NUP205: variants seen among roughly 807,000 people sequenced by gnomAD.
The protein encoded by NUP205 is nucleoporin 205, also known as nuclear pore complex protein Nup205.
A neutral mutation model predicts 253.8 loss-of-function variants in NUP205; 76 were observed. The ratio of observed to expected loss-of-function variants is 0.30; its 90% CI spans 0.25 to 0.36. The LOEUF is 0.36. NUP205 is among the 10% of genes least tolerant of loss of function. NUP205 has a pLI of 1.00. For synonymous variants in NUP205, 832 were observed against 850.1 expected, an observed-to-expected ratio of 0.98 and a Z score of 0.37; for missense variants, 2,162 against 2,425.5, an observed-to-expected ratio of 0.89 and a Z score of 2.28.
intron 1 of NUP205, among the ~76,000 whole-genome samples, chr7:135,561,102 T>C (rs558902405): frequency 1.3e-5 from 2 of 152,246 alleles, no homozygotes; most frequent in South Asian, 4.2e-4. Context: ...CCCAGCACTT[T>C]GGGAGGCTGA....
chr7:135,569,068 AATTTTTT>A, intron 1 of NUP205, among the ~76,000 whole-genome samples: 2 of 151,908 alleles, frequency 1.3e-5, no homozygotes, highest in Non-Finnish European at 2.9e-5. Flanking sequence ...ATGGAGTTTA[AATTTTTT>A]ATTTTTTATT....
chr7:135,590,430 C>T (rs1430086078), intron 10 of NUP205, among the ~76,000 whole-genome samples: 1 of 151,818 alleles, frequency 6.6e-6, no homozygotes, highest in Non-Finnish European at 1.5e-5. Context: ...ATTATTTTTA[C>T]TTTCGTTTTA....
At chr7:135,645,364 C>A in intron 40 of NUP205, 104 bp from the exon 41 acceptor site, 1 of 1,165,380 alleles carries the variant, frequency 8.6e-7, no homozygotes, top group Non-Finnish European at 1.2e-6. Flanking sequence ...GCTGTGGGTA[C>A]CTCATTAAGT....
intron 10 of NUP205, among the ~76,000 whole-genome samples, chr7:135,589,024 C>A (rs916727398): frequency 6.6e-6 from 1 of 150,878 alleles, no homozygotes; most frequent in Non-Finnish European, 1.5e-5. Flanking sequence ...ACAAAAAATA[C>A]TAGCTCGGTG....
At position 135,625,410 on chromosome 7, in the gene NUP205, T is replaced by C. The variant is rs116697383; in HGVS notation, c.4671+55T>C. 2,884 of 1,313,546 alleles carry C rather than the reference T, an allele frequency of 2.2e-3. 58 individuals are homozygous for C. In the African/African-American group the frequency reaches 0.039, roughly 18 times the overall value. 81.4% of individuals were successfully genotyped at this position (1,313,546 alleles called of 1,614,324 possible). On this transcript the variant is annotated intron_variant, in intron 32 of 42. Coordinates refer to ENST00000285968, the MANE Select transcript of NUP205 (RefSeq NM_015135.3). ...TCAAGAAGTCGTTTTCTCTTGGCTA[T>C]AGATGTATTAAAGAAAATTAATGTG...
intron 5 of NUP205, among the ~76,000 whole-genome samples, chr7:135,577,382 G>A (rs57139274): frequency 0.034 from 5,171 of 151,992 alleles, 118 homozygotes; most frequent in Middle Eastern, 0.1. Flanking sequence ...CACCTCAAAC[G>A]TTTATTATTT....
At chr7:135,572,246 A>G (rs940458134) in intron 2 of NUP205, among the ~76,000 whole-genome samples, 1 of 152,226 alleles carries the variant, frequency 6.6e-6, no homozygotes, top group African/African-American at 2.4e-5. Context: ...GATAAACTTA[A>G]TAATATTTGA....
intron 25 of NUP205, 95 bp from the exon 26 acceptor site, chr7:135,616,995 A>T (rs1003492847): frequency 2.2e-6 from 2 of 916,726 alleles, no homozygotes; most frequent in South Asian, 3.7e-5. Flanking sequence ...GCTCTTTCTG[A>T]AAATAGCACT....
At chr7:135,593,340 T>G in intron 12 of NUP205, 148 bp downstream of exon 12, 1 of 667,394 alleles carries the variant, frequency 1.5e-6, no homozygotes, top group South Asian at 2.0e-5. Flanking sequence ...AAGTTTTTTG[T>G]TTTTTGACCT....
At chr7:135,636,981 G>A (rs967017807) in intron 36 of NUP205, among the ~76,000 whole-genome samples, 5 of 152,154 alleles carry the variant, frequency 3.3e-5, no homozygotes, top group African/African-American at 1.2e-4. Flanking sequence ...ACTTTAGCCT[G>A]GGCAACAGAG....
At chr7:135,574,444 G>A (rs997508741) in intron 3 of NUP205, among the ~76,000 whole-genome samples, 1 of 152,156 alleles carries the variant, frequency 6.6e-6, no homozygotes, top group Non-Finnish European at 1.5e-5. Context: ...CTAAGATGGT[G>A]TCATTTGCCT....
chr7:135,641,462 C>A (rs1212205689), intron 38 of NUP205, among the ~76,000 whole-genome samples: 1 of 152,102 alleles, frequency 6.6e-6, no homozygotes, highest in African/African-American at 2.4e-5. Context: ...CTGTCTCTTC[C>A]CCTCTGTATA....
At position 135,588,004 on chromosome 7, in the gene NUP205, G is replaced by A. The variant is rs1806520707; in HGVS notation, c.1473+12G>A. 1 of 1,602,570 alleles carries A rather than the reference G, an allele frequency of 6.2e-7. No individual in the cohort carries two copies. The highest frequency in any genetic ancestry group is 2.2e-5 in the East Asian group (1 of 44,798). On this transcript the variant is annotated intron_variant, in intron 10 of 42. Coordinates refer to ENST00000285968, the MANE Select transcript of NUP205 (RefSeq NM_015135.3). ...CCCCTCAACGCCAGGTGAGTCTTTA[G>A]GTTTTCCTCTTTTATACTCTGGTAC...
chr7:135,629,090 T>C (rs774775009), intron 34 of NUP205, among the ~76,000 whole-genome samples: 2 of 152,228 alleles, frequency 1.3e-5, no homozygotes, highest in African/African-American at 2.4e-5. Context: ...CACAGATGAC[T>C]GAGTTCTGTG....
At chr7:135,619,304 T>C (rs1159690515) in intron 28 of NUP205, 119 bp from the exon 29 acceptor site, 20 of 1,042,560 alleles carry the variant, frequency 1.9e-5, no homozygotes, top group Non-Finnish European at 2.8e-5. Flanking sequence ...ATTATGCTAC[T>C]GCACTCCAGC....
rs1008729340 is a variant in NUP205 at position 135,630,291 on chromosome 7, A to G, written c.4933-53A>G. 3.6e-6 allele frequency: 5 copies of G among 1,376,430 alleles called. No homozygotes were observed. The African/African-American group carries it at 7.5e-5, about 21-fold the overall frequency. 85.3% of individuals were successfully genotyped at this position (1,376,430 alleles called of 1,614,324 possible). On this transcript the variant is annotated intron_variant, in intron 34 of 42. Coordinates refer to ENST00000285968, the MANE Select transcript of NUP205 (RefSeq NM_015135.3). ...TAAAATGAATTATGCATTTATATATAATTTTCTACTTCTACCTGTTTTTTC... is the reference window on the plus strand; with the variant it reads ...TAAAATGAATTATGCATTTATATATGATTTTCTACTTCTACCTGTTTTTTC...
chr7:135,562,275 C>T (rs555964901), intron 1 of NUP205, among the ~76,000 whole-genome samples: 1 of 152,072 alleles, frequency 6.6e-6, no homozygotes, highest in Admixed American at 6.6e-5. Flanking sequence ...CAGCTCACTA[C>T]AACCTCTGCC....
chr7:135,565,716 T>G (rs931195033), intron 1 of NUP205, among the ~76,000 whole-genome samples: 1 of 152,174 alleles, frequency 6.6e-6, no homozygotes, highest in African/African-American at 2.4e-5. Context: ...ATAAGTGGCT[T>G]ACTTACCTCT....
At chr7:135,614,320 A>G (rs1210521594) in intron 23 of NUP205, 47 bp downstream of exon 23, 2 of 974,700 alleles carry the variant, frequency 2.1e-6, no homozygotes, top group African/African-American at 1.6e-5. Flanking sequence ...TTATAATTCC[A>G]TGTTAAGTGA....
Sources: gnomAD v4.1 joint callset for allele counts (sites outside exome capture counted in the v4.1 genomes callset) on GRCh38, gnomAD v4.1.1 for gene constraint, MANE v1.5 for transcripts, NCBI Gene and HGNC (gene_info 2026-07-23, HGNC 2026-07-21) for gene names.